NAV3: variants seen among roughly 807,000 people sequenced by gnomAD.
NAV3 encodes the protein neuron navigator 3, also known as pore membrane and/or filament interacting like protein 1.
In NAV3, 87 loss-of-function variants were observed where a neutral mutation model predicts 244.7. That is an observed-to-expected ratio of 0.36 (90% CI 0.30 to 0.42). The LOEUF (loss-of-function observed/expected upper bound fraction) is 0.42, where lower values mean the gene tolerates loss of function less well. Among genes scored for constraint, NAV3 ranks in the 20% least tolerant of loss-of-function variants. NAV3 has a pLI of 1.00. For synonymous variants in NAV3, 1,126 were observed against 1,042.2 expected (o/e 1.08, Z -1.55); for missense variants, 2,663 against 2,893.3 (o/e 0.92, Z 1.83).
chr12:77,923,026 G>A lies in NAV3; in HGVS notation c.244-17293G>A, dbSNP rs376678436. Reference sequence around the variant, plus strand: ...TTTCATTTTACTCTACAAGTATCACGATTTTTATTTTTGATGGCTACTTAA... The same window carrying A: ...TTTCATTTTACTCTACAAGTATCACAATTTTTATTTTTGATGGCTACTTAA... On this transcript the variant is annotated intron_variant, in intron 1 of 39. Transcript: ENST00000397909. 7.9e-5 allele frequency among the ~76,000 whole-genome samples: 12 copies of A among 151,722 alleles called. No homozygotes were observed. The East Asian group carries it at 9.7e-4, about 12-fold the overall frequency.
Position 78,051,063 on chromosome 12 carries a change from T to C in NAV3, c.2432T>C (p.Met811Thr). The change falls in exon 11 of 40, where the codon ATG becomes ACG. Residue 811 changes from methionine to threonine, a missense_variant. Transcript: ENST00000397909. Reference sequence around the variant, plus strand: ...GAGAAAGCAAGCAGTGACCTGGACATGTCTTCTGAGGTCGATGTGGGTGGA... The same window carrying C: ...GAGAAAGCAAGCAGTGACCTGGACACGTCTTCTGAGGTCGATGTGGGTGGA... ...MSEKASSDLD[M>T]SSEVDVGGYM... 1 of 1,614,148 alleles carries C rather than the reference T, an allele frequency of 6.2e-7. No individual in the cohort carries two copies. The highest frequency in any genetic ancestry group is 8.5e-7 in the Non-Finnish European group (1 of 1,180,022).
chr12:77,804,266 G>GT (rs1371032366), intron 2 of NAV3, among the ~76,000 whole-genome samples: 2 of 152,020 alleles, frequency 1.3e-5, no homozygotes, highest in Non-Finnish European at 2.9e-5. Flanking sequence ...TTCTTCTAGG[G>GT]TTTTTATCGT....
rs201224058 is a variant in NAV3 at position 77,752,599 on chromosome 12, TAG to T, written c.72+180335_72+180336del. Among the ~76,000 whole-genome samples, 47 of 152,282 alleles carry T rather than the reference TAG, an allele frequency of 3.1e-4. No homozygotes were observed. The East Asian group carries it at 8.3e-3, about 27-fold the overall frequency. On this transcript the variant is annotated intron_variant, in intron 2 of 8. Transcript: ENST00000550042. ...TCTACCGAACTGACTCCTTACTGTA[TAG>T]ACCAGACCACCTGAGTCTGAATCCT... is the stretch of plus-strand genomic sequence containing the variant.
In NAV3 at chr12:77,980,526, G is replaced by T. The variant is rs116177940; in HGVS notation, c.671+11824G>T. 2.1e-3 allele frequency among the ~76,000 whole-genome samples: 322 copies of T among 152,230 alleles called. 1 individual carries two copies. Among genetic ancestry groups the T allele is most frequent in the African/African-American group, 7.1e-3 (297 of 41,546 alleles). On this transcript the variant is annotated intron_variant, in intron 5 of 39. Coordinates refer to ENST00000397909, the MANE Select transcript of NAV3 (RefSeq NM_001024383.2). ...AGTATTTAGAAGTATTAAATAATCT[G>T]ATTTTTCACTGATCTGTGTGGTCTT...
intron 7 of NAV3, among the ~76,000 whole-genome samples, chr12:78,000,331 T>G (rs1369571217): frequency 1.3e-5 from 2 of 152,108 alleles, no homozygotes; most frequent in Non-Finnish European, 2.9e-5. Context: ...ACATCTGGAA[T>G]TTGTCTTGTA....
chr12:78,128,615 G>T, intron 17 of NAV3, 91 bp from the exon 18 acceptor site: 2 of 1,310,680 alleles, frequency 1.5e-6, no homozygotes, highest in Non-Finnish European at 1.0e-6. Flanking sequence ...TGTTCATTCT[G>T]AATAGTAACC....
At chr12:77,769,805 A>T (rs769915999) in intron 2 of NAV3, among the ~76,000 whole-genome samples, 4 of 152,196 alleles carry the variant, frequency 2.6e-5, no homozygotes, top group African/African-American at 4.8e-5. Context: ...TCCTGTATTG[A>T]TATCTTTTAG....
intron 2 of NAV3, among the ~76,000 whole-genome samples, chr12:77,647,351 C>T (rs990908788): frequency 3.3e-5 from 5 of 152,138 alleles, no homozygotes; most frequent in Non-Finnish European, 7.4e-5. Context: ...CACCAAATTA[C>T]ATTTTATCTT....
chr12:77,703,485 A>G (rs1463863226), intron 2 of NAV3, among the ~76,000 whole-genome samples: 1 of 152,152 alleles, frequency 6.6e-6, no homozygotes, highest in Admixed American at 6.6e-5. Context: ...TATTATGAAC[A>G]TTTGCATACA....
intron 2 of NAV3, among the ~76,000 whole-genome samples, chr12:77,705,531 A>G (rs1875755793): frequency 6.6e-6 from 1 of 151,624 alleles, no homozygotes; most frequent in Non-Finnish European, 1.5e-5. Flanking sequence ...TTATACTCTT[A>G]GGATACTGTC....
intron 11 of NAV3, among the ~76,000 whole-genome samples, chr12:78,057,311 T>C (rs1344842379): frequency 6.6e-6 from 1 of 152,192 alleles, no homozygotes; most frequent in East Asian, 1.9e-4. Context: ...AAGAATTCTG[T>C]GGAGTAAAAA....
chr12:78,100,889 A>C (rs1445715254), intron 12 of NAV3, among the ~76,000 whole-genome samples: 1 of 151,992 alleles, frequency 6.6e-6, no homozygotes, highest in Non-Finnish European at 1.5e-5. Context: ...ATTTGTCTTT[A>C]TTGCTCTTTC....
intron 12 of NAV3, among the ~76,000 whole-genome samples, chr12:78,081,693 C>T (rs868148053): frequency 1.3e-5 from 2 of 152,122 alleles, no homozygotes; most frequent in Non-Finnish European, 1.5e-5. Context: ...TCTGTGGAAA[C>T]GAAGTTTCTC....
chr12:77,763,345 T>G (rs559391009), intron 2 of NAV3, among the ~76,000 whole-genome samples: 1 of 152,332 alleles, frequency 6.6e-6, no homozygotes, highest in Non-Finnish European at 1.5e-5. Context: ...ACCAGAGAAC[T>G]TCCTCACTGT....
chr12:77,922,502 C>G (rs1177674723), intron 1 of NAV3, among the ~76,000 whole-genome samples: 1 of 152,074 alleles, frequency 6.6e-6, no homozygotes, highest in Non-Finnish European at 1.5e-5. Flanking sequence ...TGCCCTACTC[C>G]ATTGTTATCC....
At chr12:77,880,574 A>C (rs1403350872) in intron 1 of NAV3, among the ~76,000 whole-genome samples, 3 of 152,098 alleles carry the variant, frequency 2.0e-5, no homozygotes, top group African/African-American at 4.8e-5. Flanking sequence ...GCCAATTATG[A>C]CCAGAGATAT....
chr12:77,895,738 GT>G lies in NAV3; in HGVS notation c.244-44565del, dbSNP rs11437920. Among the ~76,000 whole-genome samples, 924 of 127,940 alleles carry G rather than the reference GT, an allele frequency of 7.2e-3. 9 individuals carry two copies. The highest frequency in any genetic ancestry group is 0.021 in the African/African-American group (739 of 35,272). The allele number at this position is 127,940 out of a possible 152,430, so 83.9% of individuals were successfully genotyped here. A position where few individuals can be genotyped will look rare whatever the true frequency, so the allele number is the denominator to read the frequency against. The stretch of plus-strand genomic sequence containing the variant: ...TACTACCACATATATGTACCCTCTT[GT>G]TTTTTTTTTTTTTTTAATCCTGTCT... On this transcript the variant is annotated intron_variant, in intron 1 of 39. Transcript: ENST00000397909.
intron 2 of NAV3, among the ~76,000 whole-genome samples, chr12:77,725,609 C>T (rs561034184): frequency 1.4e-4 from 21 of 151,434 alleles, no homozygotes; most frequent in African/African-American, 3.4e-4. Context: ...AGAGCTTGCT[C>T]GCAAACCATT....
intron 2 of NAV3, among the ~76,000 whole-genome samples, chr12:77,605,152 T>C (rs1870613941): frequency 6.6e-6 from 1 of 152,070 alleles, no homozygotes; most frequent in South Asian, 2.1e-4. Context: ...TTCTAAATAA[T>C]ATAAGATAAA....
Sources: gnomAD v4.1 joint callset for allele counts (sites outside exome capture counted in the v4.1 genomes callset) on GRCh38, gnomAD v4.1.1 for gene constraint, MANE v1.5 for transcripts, NCBI Gene and HGNC (gene_info 2026-07-23, HGNC 2026-07-21) for gene names.